The following NFASC variants were observed in gnomAD, a reference collection of about 807,000 sequenced individuals.
NFASC encodes the protein neurofascin homolog.
Under a neutral mutation model 147.5 loss-of-function variants are expected in NFASC, and 43 were observed. The observed-to-expected ratio is 0.29, with a 90% CI of 0.23 to 0.38. NFASC has a LOEUF of 0.38. Among genes scored for constraint, NFASC ranks in the 10% least tolerant of loss-of-function variants. NFASC has a pLI of 1.00. For missense variants in NFASC, 1,320 were observed against 1,689.0 expected (o/e 0.78, Z 3.83); for synonymous variants, 622 against 665.5 (o/e 0.93, Z 1.01).
intron 20 of NFASC, among the ~76,000 whole-genome samples, chr1:204,981,199 T>C (rs966621189): frequency 1.3e-5 from 2 of 152,266 alleles, no homozygotes; most frequent in Non-Finnish European, 2.9e-5. Flanking sequence ...GCAGCTGGGC[T>C]GAGCCCAGAT....
intron 1 of NFASC, among the ~76,000 whole-genome samples, chr1:204,896,519 A>G (rs145891134): frequency 2.1e-4 from 32 of 152,312 alleles, no homozygotes; most frequent in African/African-American, 6.5e-4. Context: ...AGGTAGAAGG[A>G]AGAAGGTTCA....
chr1:204,995,964 C>G (rs1297219476), intron 24 of NFASC, among the ~76,000 whole-genome samples: 1 of 152,092 alleles, frequency 6.6e-6, no homozygotes, highest in Non-Finnish European at 1.5e-5. Flanking sequence ...AGCGTCAACA[C>G]TAGAAAGTGG....
At chr1:204,985,799 G>T in intron 21 of NFASC, 1 of 694,710 alleles carries the variant, frequency 1.4e-6, no homozygotes, top group South Asian at 1.7e-5. Flanking sequence ...GAGGTCATTT[G>T]GGACTTGGAG....
At chr1:204,944,452 C>G in intron 3 of NFASC, 46 bp downstream of exon 3, 5 of 684,548 alleles carry the variant, frequency 7.3e-6, no homozygotes, top group Admixed American at 2.9e-5. Flanking sequence ...TGATTTTGGG[C>G]AGAGGGGTGG....
chr1:204,957,022 T>G lies in NFASC; in HGVS notation c.536-634T>G, dbSNP rs180835992. Reference sequence around the variant, plus strand: ...AATTGAAATCAGATTTAACATCTCTTAAAACTGATGATGTACATCATTGAT... The same window carrying G: ...AATTGAAATCAGATTTAACATCTCTGAAAACTGATGATGTACATCATTGAT... On this transcript the variant is annotated intron_variant, in intron 7 of 29. Coordinates refer to ENST00000339876, the MANE Select transcript of NFASC (RefSeq NM_001005388.3). Among the ~76,000 whole-genome samples the G allele has an allele frequency of 1.9e-3, 291 of 152,350 alleles. 2 individuals carry two copies. In the Middle Eastern group the frequency reaches 0.054, roughly 28 times the overall value.
intron 1 of NFASC, among the ~76,000 whole-genome samples, chr1:204,893,693 G>C (rs1433417505): frequency 6.6e-6 from 1 of 152,220 alleles, no homozygotes; most frequent in Non-Finnish European, 1.5e-5. Flanking sequence ...GTATTGCGCT[G>C]CACTGTATTG....
intron 1 of NFASC, 113 bp downstream of exon 1, chr1:204,828,895 C>A: frequency 1.5e-6 from 1 of 676,594 alleles, no homozygotes; most frequent in Non-Finnish European, 1.8e-6. Flanking sequence ...TGCCCCCTCC[C>A]CCTCCGTCCA....
intron 1 of NFASC, among the ~76,000 whole-genome samples, chr1:204,888,617 C>T (rs942357516): frequency 6.6e-6 from 1 of 152,118 alleles, no homozygotes; most frequent in Non-Finnish European, 1.5e-5. Context: ...CAAGTGACCT[C>T]GCATAAACTT....
chr1:204,854,402 A>T (rs1026365202), intron 1 of NFASC, among the ~76,000 whole-genome samples: 2 of 152,128 alleles, frequency 1.3e-5, no homozygotes, highest in Non-Finnish European at 2.9e-5. Flanking sequence ...CTGACCTGGG[A>T]AATCCTCTAA....
chr1:204,936,219 T>TTTTTG, intron 2 of NFASC, among the ~76,000 whole-genome samples: 2 of 146,646 alleles, frequency 1.4e-5, no homozygotes, highest in Non-Finnish European at 1.5e-5. Context: ...TTTTTTTTTT[T>TTTTTG]GAGATGGAGT....
intron 10 of NFASC, 35 bp from the exon 11 acceptor site, chr1:204,970,581 C>G (rs749651187): frequency 5.6e-6 from 9 of 1,612,426 alleles, no homozygotes; most frequent in Admixed American, 3.3e-5. Context: ...CCCATGCCAT[C>G]TAACTCCCCT....
At chr1:204,939,038 ATGTGTGTGTGTGTGTGTG>A (rs60166382) in intron 2 of NFASC, among the ~76,000 whole-genome samples, 13 of 123,668 alleles carry the variant, frequency 1.1e-4, no homozygotes, top group South Asian at 2.9e-4. Flanking sequence ...GTATGGATGG[ATGTGTGTGTGTGTGTGTG>A]TGTGTGTGTG....
At chr1:204,988,565 C>T (rs1487147229) in intron 22 of NFASC, 68 bp from the exon 23 acceptor site, 57 of 1,402,034 alleles carry the variant, frequency 4.1e-5, no homozygotes, top group Non-Finnish European at 5.3e-5. Flanking sequence ...CTTCCTCCAG[C>T]TTGCAGATTA....
chr1:205,001,343 G>A (rs1231834646), intron 26 of NFASC, 57 bp downstream of exon 26: 1 of 1,111,146 alleles, frequency 9.0e-7, no homozygotes, highest in Non-Finnish European at 1.3e-6. Context: ...GCAGCGGCGG[G>A]TAGTGGTAGA....
At chr1:204,971,788 T>C (rs1440801333) in intron 11 of NFASC, among the ~76,000 whole-genome samples, 1 of 152,134 alleles carries the variant, frequency 6.6e-6, no homozygotes, top group Non-Finnish European at 1.5e-5. Context: ...CCAGTAAATG[T>C]TACTCCCCAG....
chr1:204,889,199 A>G (rs2081922870), intron 1 of NFASC, among the ~76,000 whole-genome samples: 1 of 152,220 alleles, frequency 6.6e-6, no homozygotes, highest in Non-Finnish European at 1.5e-5. Context: ...TTTACATTTA[A>G]GGAAACTTAA....
At chr1:204,885,143 A>T (rs79870056) in intron 1 of NFASC, among the ~76,000 whole-genome samples, 1 of 152,120 alleles carries the variant, frequency 6.6e-6, no homozygotes, top group East Asian at 1.9e-4. Flanking sequence ...AAATAAAATA[A>T]ACTGAAAAAG....
chr1:204,834,768 G>C (rs1349051943), intron 1 of NFASC, among the ~76,000 whole-genome samples: 1 of 152,156 alleles, frequency 6.6e-6, no homozygotes, highest in Non-Finnish European at 1.5e-5. Flanking sequence ...CAGCCACTCA[G>C]GGGTTGGAAA....
chr1:204,953,064 C>T (rs148780754), intron 5 of NFASC, among the ~76,000 whole-genome samples: 1 of 152,336 alleles, frequency 6.6e-6, no homozygotes, highest in African/African-American at 2.4e-5. Flanking sequence ...GTCTTTCCCC[C>T]ATGGTTCCTT....
Sources: gnomAD v4.1 joint callset for allele counts (sites outside exome capture counted in the v4.1 genomes callset) on GRCh38, gnomAD v4.1.1 for gene constraint, MANE v1.5 for transcripts, NCBI Gene and HGNC (gene_info 2026-07-23, HGNC 2026-07-21) for gene names.